Variants in KHDRBS3 observed in about 807,000 individuals in gnomAD.
KHDRBS3 encodes the protein KH domain-containing, RNA-binding, signal transduction-associated protein 3.
Under a neutral mutation model 45.6 loss-of-function variants are expected in KHDRBS3, and 23 were observed. The ratio of observed to expected loss-of-function variants is 0.50; its 90% CI spans 0.36 to 0.72. The LOEUF (loss-of-function observed/expected upper bound fraction) is 0.72, where lower values mean the gene tolerates loss of function less well. Ranked by LOEUF, KHDRBS3 falls within the 30% of genes least tolerant of loss-of-function variation. The pLI, the probability that KHDRBS3 is intolerant of heterozygous loss-of-function variation, is 0.00. For missense variants in KHDRBS3, 352 were observed against 424.8 expected, an observed-to-expected ratio of 0.83 and a Z score of 1.51; for synonymous variants, 162 against 156.5, an observed-to-expected ratio of 1.04 and a Z score of -0.26.
intron 1 of KHDRBS3, among the ~76,000 whole-genome samples, chr8:135,468,066 G>A (rs932303037): frequency 4.0e-5 from 6 of 151,570 alleles, no homozygotes; most frequent in South Asian, 2.1e-4. Context: ...TTATTCAGTC[G>A]TATCTGTCTT....
At chr8:135,585,323 G>A (rs1437518724) in intron 6 of KHDRBS3, among the ~76,000 whole-genome samples, 1 of 152,002 alleles carries the variant, frequency 6.6e-6, no homozygotes. Flanking sequence ...GAAAACCAAG[G>A]AGCTTGTAAC....
rs568982406 is a variant in KHDRBS3, at chr8:135,625,239, T to C, written c.890+18202T>C. The C allele has an allele frequency of 2.2e-6, 3 of 1,383,652 alleles. No individual in the cohort carries two copies. The South Asian group carries it at 3.5e-5, about 16-fold the overall frequency. 85.7% of individuals were successfully genotyped at this position (1,383,652 alleles called of 1,614,324 possible). On this transcript the variant is annotated intron_variant, in intron 7 of 8. Coordinates refer to ENST00000355849, the MANE Select transcript of KHDRBS3 (RefSeq NM_006558.3). ...CTCCTTCATCAGATGTCACAAAGCC[T>C]TCATCTGTGGCATACAGAATGTCTA...
intron 7 of KHDRBS3, among the ~76,000 whole-genome samples, chr8:135,630,473 A>G (rs1425510916): frequency 2.6e-5 from 1 of 38,724 alleles, no homozygotes; most frequent in Non-Finnish European, 5.8e-5. Context: ...ACAATGAGTT[A>G]TAAAGTTTAA....
intron 6 of KHDRBS3, among the ~76,000 whole-genome samples, chr8:135,582,278 T>G (rs1001134822): frequency 2.6e-5 from 4 of 152,196 alleles, no homozygotes; most frequent in African/African-American, 9.7e-5. Flanking sequence ...TCAAATAGTT[T>G]AAATCTAAGG....
intron 6 of KHDRBS3, among the ~76,000 whole-genome samples, chr8:135,597,736 G>A (rs1829037731): frequency 6.6e-6 from 1 of 152,100 alleles, no homozygotes; most frequent in Non-Finnish European, 1.5e-5. Context: ...CAGGATAGAT[G>A]GAAAGATGTC....
At chr8:135,516,570 T>TTGTG (rs56155377) in intron 1 of KHDRBS3, among the ~76,000 whole-genome samples, 8,224 of 149,042 alleles carry the variant, frequency 0.055, 503 homozygotes, top group African/African-American at 0.15. Context: ...GTTTCTTACA[T>TTGTG]TGTGTGTGTG....
chr8:135,588,836 G>T (rs1012278152), intron 6 of KHDRBS3, among the ~76,000 whole-genome samples: 2 of 152,046 alleles, frequency 1.3e-5, no homozygotes, highest in African/African-American at 4.8e-5. Context: ...TCTGTTCACG[G>T]TCCCCTCTCC....
chr8:135,579,314 A>G (rs567746284), intron 5 of KHDRBS3, among the ~76,000 whole-genome samples: 1 of 152,244 alleles, frequency 6.6e-6, no homozygotes, highest in African/African-American at 2.4e-5. Flanking sequence ...ACAATTCAAT[A>G]TGTTGCAGGT....
intron 5 of KHDRBS3, 128 bp downstream of exon 5, chr8:135,557,715 T>G: frequency 1.4e-6 from 1 of 701,740 alleles, no homozygotes; most frequent in Non-Finnish European, 2.5e-6. Context: ...CACATGCCTG[T>G]AGTCCCAGCT....
chr8:135,582,183 T>C lies in KHDRBS3; in HGVS notation c.807+110T>C, dbSNP rs982642546. On this transcript the variant is annotated intron_variant, in intron 6 of 8. Transcript: ENST00000355849. ...TCCTCACCTTGTTTTGGTTCTTGAG[T>C]ATTCTACTTTGTTTCAGCAAATATT... 6.4e-6 allele frequency: 7 copies of C among 1,091,030 alleles called. No individual in the cohort carries two copies. In the Admixed American group the frequency reaches 1.8e-4, roughly 28 times the overall value. The allele number at this position is 1,091,030 out of a possible 1,614,324, so 67.6% of individuals were successfully genotyped here. A position where few individuals can be genotyped will look rare whatever the true frequency, so the allele number is the denominator to read the frequency against.
At position 135,637,669 on chromosome 8, in the gene KHDRBS3, A is replaced by C. The variant is rs1014817499; in HGVS notation, c.891-7390A>C. 3.3e-5 allele frequency among the ~76,000 whole-genome samples: 5 copies of C among 152,300 alleles called. No individual in the cohort carries two copies. The South Asian group carries it at 6.2e-4, about 19-fold the overall frequency. ...ATTATTACAGGCGAGTTATTGAGACATGGACAAAGTTTTCAGTCCCAGTGT... is the reference window on the plus strand; with the variant it reads ...ATTATTACAGGCGAGTTATTGAGACCTGGACAAAGTTTTCAGTCCCAGTGT... On this transcript the variant is annotated intron_variant, in intron 7 of 8. Coordinates refer to ENST00000355849, the MANE Select transcript of KHDRBS3 (RefSeq NM_006558.3).
At chr8:135,607,922 T>C (rs1034260502) in intron 7 of KHDRBS3, among the ~76,000 whole-genome samples, 3 of 152,178 alleles carry the variant, frequency 2.0e-5, no homozygotes, top group African/African-American at 7.2e-5. Flanking sequence ...TTTTTGCTCA[T>C]ACCAAATTTT....
At chr8:135,585,001 C>G (rs1828395195) in intron 6 of KHDRBS3, among the ~76,000 whole-genome samples, 1 of 151,692 alleles carries the variant, frequency 6.6e-6, no homozygotes, top group African/African-American at 2.4e-5. Context: ...GTGGGCACAT[C>G]ACTTGAGGTC....
At chr8:135,521,206 A>G (rs568751266) in intron 1 of KHDRBS3, 31 bp from the exon 2 acceptor site, 5 of 1,367,214 alleles carry the variant, frequency 3.7e-6, no homozygotes, top group African/African-American at 1.4e-5. Flanking sequence ...TCTGAGTCAT[A>G]CACTTCATGG....
intron 2 of KHDRBS3, among the ~76,000 whole-genome samples, chr8:135,536,745 G>T (rs1291374623): frequency 2.0e-5 from 3 of 151,498 alleles, no homozygotes; most frequent in Non-Finnish European, 2.9e-5. Context: ...TGGATCATGA[G>T]GTCAGGAGAT....
At chr8:135,626,002 G>A (rs1183293682) in intron 7 of KHDRBS3, 12 of 702,240 alleles carry the variant, frequency 1.7e-5, no homozygotes, top group East Asian at 2.5e-5. Flanking sequence ...TGGCGGAACC[G>A]TGTCCACTGC....
chr8:135,615,815 G>A (rs889079833), intron 7 of KHDRBS3, among the ~76,000 whole-genome samples: 2 of 152,134 alleles, frequency 1.3e-5, no homozygotes, highest in East Asian at 1.9e-4. Flanking sequence ...GAATGGCTGG[G>A]GTTTGGTGAA....
intron 1 of KHDRBS3, among the ~76,000 whole-genome samples, chr8:135,499,159 C>G (rs574412145): frequency 3.9e-5 from 6 of 152,070 alleles, no homozygotes; most frequent in Non-Finnish European, 8.8e-5. Flanking sequence ...TAGGTATTTT[C>G]AGTGTCTTTT....
chr8:135,556,844 G>A (rs1282500363), intron 4 of KHDRBS3, among the ~76,000 whole-genome samples: 1 of 152,110 alleles, frequency 6.6e-6, no homozygotes, highest in African/African-American at 2.4e-5. Flanking sequence ...TGAATATTTT[G>A]ATAATAATTT....
Sources: gnomAD v4.1 joint callset for allele counts (sites outside exome capture counted in the v4.1 genomes callset) on GRCh38, gnomAD v4.1.1 for gene constraint, MANE v1.5 for transcripts, NCBI Gene and HGNC (gene_info 2026-07-23, HGNC 2026-07-21) for gene names.